The following NRG3 variants were observed in gnomAD, a reference collection of about 807,000 sequenced individuals.
NRG3 encodes neuregulin 3.
In NRG3, 31 loss-of-function variants were observed where a neutral mutation model predicts 66.9. The observed-to-expected ratio is 0.46, with a 90% CI of 0.35 to 0.63. The LOEUF is 0.63. Among genes scored for constraint, NRG3 ranks in the 20% least tolerant of loss-of-function variants. The probability of loss-of-function intolerance (pLI) is 0.00; values close to 1 mark genes in which losing one functional copy is unlikely to be tolerated. For missense variants in NRG3, 910 were observed against 878.9 expected, an observed-to-expected ratio of 1.04 and a Z score of -0.45; for synonymous variants, 393 against 359.4, an observed-to-expected ratio of 1.09 and a Z score of -1.06.
intron 2 of NRG3, among the ~76,000 whole-genome samples, chr10:82,628,702 C>T (rs1249477465): frequency 6.6e-6 from 1 of 152,082 alleles, no homozygotes; most frequent in Non-Finnish European, 1.5e-5. Flanking sequence ...GAAGTGATGA[C>T]CTCATGCAGA....
At chr10:81,910,303 A>G (rs954530753) in intron 1 of NRG3, among the ~76,000 whole-genome samples, 1 of 152,204 alleles carries the variant, frequency 6.6e-6, no homozygotes, top group African/African-American at 2.4e-5. Context: ...TACTCAGGGC[A>G]GGAAGATATT....
chr10:82,808,122 T>C (rs550382299), intron 3 of NRG3, among the ~76,000 whole-genome samples: 1 of 152,226 alleles, frequency 6.6e-6, no homozygotes, highest in South Asian at 2.1e-4. Context: ...TCTTCACTTA[T>C]TTTCATCTCA....
chr10:82,779,871 C>T (rs1402501602), intron 3 of NRG3, among the ~76,000 whole-genome samples: 1 of 151,492 alleles, frequency 6.6e-6, no homozygotes, highest in Non-Finnish European at 1.5e-5. Flanking sequence ...TATCCCTCCC[C>T]TAGCCCCCCA....
chr10:81,938,160 G>A (rs1403819199), intron 1 of NRG3, among the ~76,000 whole-genome samples: 1 of 152,028 alleles, frequency 6.6e-6, no homozygotes, highest in East Asian at 1.9e-4. Flanking sequence ...TTGAAATCAG[G>A]AATCATGAGG....
At chr10:82,971,636 C>T (rs773296284) in intron 6 of NRG3, among the ~76,000 whole-genome samples, 3 of 151,946 alleles carry the variant, frequency 2.0e-5, no homozygotes, top group Non-Finnish European at 2.9e-5. Context: ...AGGGTTTCAC[C>T]ATGTTTGCCA....
intron 2 of NRG3, among the ~76,000 whole-genome samples, chr10:82,515,049 C>T (rs1845523933): frequency 1.3e-5 from 2 of 152,166 alleles, no homozygotes; most frequent in African/African-American, 4.8e-5. Flanking sequence ...TGCTGCTCCA[C>T]ATATGCTAAT....
chr10:82,113,710 T>TG (rs2067529011), intron 1 of NRG3, among the ~76,000 whole-genome samples: 1 of 152,170 alleles, frequency 6.6e-6, no homozygotes, highest in African/African-American at 2.4e-5. Flanking sequence ...GTAAATTTCC[T>TG]GGTTTTGATA....
At chr10:82,714,925 C>T (rs955880772) in intron 2 of NRG3, among the ~76,000 whole-genome samples, 7 of 151,990 alleles carry the variant, frequency 4.6e-5, no homozygotes, top group African/African-American at 1.4e-4. Context: ...TATTCTTAAA[C>T]ACAAAAATGA....
chr10:82,813,712 A>C lies in NRG3; in HGVS notation c.1028-51699A>C, dbSNP rs570611578. ...TGTCTTTTGTAACACAGTCTCATTT[A>C]TATTCATTCTCTTAACTCCTAGATC... On this transcript the variant is annotated intron_variant, in intron 3 of 8. Transcript: ENST00000372141. Among the ~76,000 whole-genome samples the C allele has an allele frequency of 1.8e-3, 268 of 152,336 alleles. 1 individual carries two copies. Among genetic ancestry groups the C allele is most frequent in the Non-Finnish European group, 3.3e-3 (224 of 68,038 alleles).
At chr10:81,959,952 A>C (rs1850198158) in intron 1 of NRG3, among the ~76,000 whole-genome samples, 1 of 151,698 alleles carries the variant, frequency 6.6e-6, no homozygotes, top group African/African-American at 2.4e-5. Flanking sequence ...TACTTTTCTC[A>C]CTAATTTGGA....
intron 2 of NRG3, among the ~76,000 whole-genome samples, chr10:82,520,985 A>T (rs1294223059): frequency 6.6e-6 from 1 of 152,174 alleles, no homozygotes; most frequent in African/African-American, 2.4e-5. Context: ...ATAAAAAATA[A>T]TTTTTAAGCA....
At chr10:82,183,729 A>G (rs565742345) in intron 1 of NRG3, among the ~76,000 whole-genome samples, 1 of 152,220 alleles carries the variant, frequency 6.6e-6, no homozygotes, top group Admixed American at 6.6e-5. Flanking sequence ...GGGGAGAGAG[A>G]AGTTACTGGC....
In NRG3 at chr10:81,898,586, A is replaced by G. The variant is rs1324069602; in HGVS notation, c.823+22423A>G. Among the ~76,000 whole-genome samples the G allele has an allele frequency of 4.6e-5, 7 of 152,200 alleles. No homozygotes were observed. The East Asian group carries it at 1.3e-3, about 29-fold the overall frequency. ...CCAGGGTTATTAAAGGCAGGGTGAC[A>G]TGGGCTGCAGTATGACTTGATGTAA... On this transcript the variant is annotated intron_variant, in intron 1 of 8. Transcript: ENST00000372141.
chr10:82,235,009 T>A (rs1194791500), intron 1 of NRG3, among the ~76,000 whole-genome samples: 2 of 152,264 alleles, frequency 1.3e-5, no homozygotes, highest in Non-Finnish European at 2.9e-5. Context: ...CTCTCTCCAA[T>A]AATTTTTGTG....
In NRG3 at chr10:82,915,304, G is replaced by C. The variant is rs139639996; in HGVS notation, c.1055-36165G>C. ...CATTTTGTTTCACTTTGTTCTTTTTGGGAGGATAACAGCAATAACTGCTGA... is the reference window on the plus strand; with the variant it reads ...CATTTTGTTTCACTTTGTTCTTTTTCGGAGGATAACAGCAATAACTGCTGA... On this transcript the variant is annotated intron_variant, in intron 4 of 8. Coordinates refer to ENST00000372141, the MANE Select transcript of NRG3 (RefSeq NM_001010848.4). 3.6e-3 allele frequency among the ~76,000 whole-genome samples: 553 copies of C among 152,140 alleles called. 12 individuals carry two copies. Among genetic ancestry groups the C allele is most frequent in the Non-Finnish European group, 7.5e-4 (51 of 68,010 alleles).
chr10:82,737,970 G>C (rs2058236301), intron 2 of NRG3, among the ~76,000 whole-genome samples: 1 of 151,932 alleles, frequency 6.6e-6, no homozygotes, highest in Non-Finnish European at 1.5e-5. Context: ...AAAATAGAGA[G>C]AGAAAAAATC....
chr10:82,455,638 G>A (rs1354872479), intron 2 of NRG3, among the ~76,000 whole-genome samples: 5 of 147,050 alleles, frequency 3.4e-5, no homozygotes, highest in South Asian at 2.1e-4. Context: ...TTTTTGAGAC[G>A]GAGTCTCACT....
At position 82,985,267 on chromosome 10, in the gene NRG3, A is replaced by G; in HGVS notation, c.1753A>G (p.Thr585Ala). 1 of 1,614,132 alleles carries G rather than the reference A, an allele frequency of 6.2e-7. No individual in the cohort carries two copies. The highest frequency in any genetic ancestry group is 2.2e-5 in the East Asian group (1 of 44,874). ...PIIPSVGLEE[T>A]CLQMPGISEV... ...CATCCCTTCAGTGGGTTTAGAGGAA[A>G]CCTGCCTGCAAATGCCAGGGATTTC... Residue 585 changes from threonine to alanine, a missense_variant, in exon 9 of 9, where the codon ACC (threonine) becomes GCC (alanine). Thr to Ala is a moderately conservative substitution (Grantham distance 58). Coordinates refer to ENST00000372141, the MANE Select transcript of NRG3 (RefSeq NM_001010848.4).
chr10:82,326,558 C>T (rs747982524), intron 1 of NRG3, among the ~76,000 whole-genome samples: 1 of 152,028 alleles, frequency 6.6e-6, no homozygotes, highest in Non-Finnish European at 1.5e-5. Context: ...ACTTTGAAGT[C>T]GCCCCATACT....
Sources: gnomAD v4.1 joint callset for allele counts (sites outside exome capture counted in the v4.1 genomes callset) on GRCh38, gnomAD v4.1.1 for gene constraint, MANE v1.5 for transcripts, NCBI Gene and HGNC (gene_info 2026-07-23, HGNC 2026-07-21) for gene names.